FGF12: variants seen among roughly 807,000 people sequenced by gnomAD.
The protein encoded by FGF12 is fibroblast growth factor 12, also known as fibroblast growth factor 12B.
In FGF12, 14 loss-of-function variants were observed where a neutral mutation model predicts 23.6. The ratio of observed to expected loss-of-function variants is 0.59; its 90% CI spans 0.39 to 0.93. The LOEUF is 0.93. FGF12 is among the 40% of genes least tolerant of loss of function. The pLI is 0.00. For synonymous variants in FGF12, 62 were observed against 77.3 expected (o/e 0.80, Z 1.04); for missense variants, 175 against 217.8 (o/e 0.80, Z 1.24).
intron 2 of FGF12, among the ~76,000 whole-genome samples, chr3:192,558,819 T>C (rs561415401): frequency 6.6e-6 from 1 of 152,048 alleles, no homozygotes; most frequent in African/African-American, 2.4e-5. Flanking sequence ...TTAAATGATT[T>C]TTGACATAAG....
At chr3:192,424,508 A>T (rs1285772244) in intron 2 of FGF12, among the ~76,000 whole-genome samples, 1 of 152,162 alleles carries the variant, frequency 6.6e-6, no homozygotes, top group African/African-American at 2.4e-5. Context: ...TAGTCACATA[A>T]CTAATTTCTT....
chr3:192,277,989 CTGACCTCG>C lies in FGF12; in HGVS notation c.228+57364_228+57371del, dbSNP rs552760459. Reference sequence around the variant, plus strand: ...TGTTGGCCAGGCTAGTCCTGAACTCCTGACCTCGTGATCCACCTGCCTCAGCCTCCCAA... The same window carrying C: ...TGTTGGCCAGGCTAGTCCTGAACTCCTGATCCACCTGCCTCAGCCTCCCAA... On this transcript the variant is annotated intron_variant, in intron 4 of 5. Transcript: ENST00000445105. Among the ~76,000 whole-genome samples, 1,342 of 152,280 alleles carry C rather than the reference CTGACCTCG, an allele frequency of 8.8e-3. 14 individuals carry two copies. Among genetic ancestry groups the C allele is most frequent in the Non-Finnish European group, 0.012 (828 of 68,026 alleles).
At chr3:192,544,956 T>G (rs1302929616) in intron 2 of FGF12, among the ~76,000 whole-genome samples, 1 of 152,166 alleles carries the variant, frequency 6.6e-6, no homozygotes, top group Non-Finnish European at 1.5e-5. Flanking sequence ...CTTTGACTTT[T>G]CCTCTTCCTG....
intron 4 of FGF12, among the ~76,000 whole-genome samples, chr3:192,334,468 G>A (rs1310760231): frequency 6.6e-6 from 1 of 152,062 alleles, no homozygotes; most frequent in African/African-American, 2.4e-5. Context: ...TGATTTTCAA[G>A]GAATTTTTTT....
chr3:192,470,157 TAAG>T (rs1412012178), intron 2 of FGF12, among the ~76,000 whole-genome samples: 1 of 152,178 alleles, frequency 6.6e-6, no homozygotes, highest in Admixed American at 6.5e-5. Context: ...AGGCCAATAA[TAAG>T]ATCAGTCTTT....
intron 4 of FGF12, among the ~76,000 whole-genome samples, chr3:192,316,301 A>G (rs1041357952): frequency 6.6e-6 from 1 of 152,236 alleles, no homozygotes; most frequent in Non-Finnish European, 1.5e-5. Flanking sequence ...ATAACCAAAC[A>G]TCAGATGAAT....
intron 2 of FGF12, among the ~76,000 whole-genome samples, chr3:192,399,348 T>G (rs965379382): frequency 6.6e-6 from 1 of 152,140 alleles, no homozygotes; most frequent in Non-Finnish European, 1.5e-5. Context: ...AAGACTGCCA[T>G]CTATGACTTA....
chr3:192,324,089 CA>C (rs1228812989), intron 4 of FGF12, among the ~76,000 whole-genome samples: 19 of 150,574 alleles, frequency 1.3e-4, no homozygotes, highest in Non-Finnish European at 2.5e-4. Flanking sequence ...GAGACTGTCT[CA>C]AAAAAATTAA....
intron 2 of FGF12, among the ~76,000 whole-genome samples, chr3:192,624,479 G>T (rs1044181632): frequency 6.6e-6 from 1 of 152,036 alleles, no homozygotes; most frequent in East Asian, 1.9e-4. Context: ...GAAGGAGAAG[G>T]GGGAAAGTGA....
intron 2 of FGF12, among the ~76,000 whole-genome samples, chr3:192,612,604 GA>G (rs1287544438): frequency 4.0e-5 from 6 of 151,638 alleles, no homozygotes; most frequent in African/African-American, 1.2e-4. Context: ...CATAAAGTAA[GA>G]AAAAAATGTG....
At chr3:192,311,923 G>GTCTATCTA (rs1391056437) in intron 4 of FGF12, among the ~76,000 whole-genome samples, 124 of 126,870 alleles carry the variant, frequency 9.8e-4, no homozygotes, top group African/African-American at 3.7e-3. Flanking sequence ...GCTATTGACT[G>GTCTATCTA]TCTGTCTATC....
intron 4 of FGF12, among the ~76,000 whole-genome samples, chr3:192,232,040 T>C (rs1216578398): frequency 6.6e-6 from 1 of 152,228 alleles, no homozygotes; most frequent in Non-Finnish European, 1.5e-5. Flanking sequence ...AAATAAATTC[T>C]GACAAGTGCT....
At chr3:192,689,548 T>C (rs879488229) in intron 2 of FGF12, among the ~76,000 whole-genome samples, 39 of 151,798 alleles carry the variant, frequency 2.6e-4, no homozygotes, top group Non-Finnish European at 5.9e-5. Flanking sequence ...AATAGAGAGC[T>C]TGAAGAAGAA....
chr3:192,616,711 T>C (rs1714767839), intron 2 of FGF12, among the ~76,000 whole-genome samples: 2 of 151,994 alleles, frequency 1.3e-5, no homozygotes, highest in Non-Finnish European at 2.9e-5. Context: ...CTTGGTTGCA[T>C]GTGGAAATCT....
chr3:192,220,002 T>C (rs1718388763), intron 4 of FGF12, among the ~76,000 whole-genome samples: 1 of 152,160 alleles, frequency 6.6e-6, no homozygotes, highest in Non-Finnish European at 1.5e-5. Flanking sequence ...CCAGTGCTAA[T>C]TCAACCCTCT....
intron 2 of FGF12, among the ~76,000 whole-genome samples, chr3:192,595,884 AAAGT>A (rs1334473985): frequency 6.6e-6 from 1 of 152,024 alleles, no homozygotes; most frequent in Non-Finnish European, 1.5e-5. Flanking sequence ...TACTTGAGCT[AAAGT>A]TCAAGACCAG....
intron 2 of FGF12, among the ~76,000 whole-genome samples, chr3:192,628,690 T>C (rs1429978888): frequency 6.7e-6 from 1 of 149,736 alleles, no homozygotes; most frequent in Non-Finnish European, 1.5e-5. Flanking sequence ...TATATATACA[T>C]TTATGTATAT....
At chr3:192,299,467 A>G (rs2108657996) in intron 4 of FGF12, among the ~76,000 whole-genome samples, 1 of 152,238 alleles carries the variant, frequency 6.6e-6, no homozygotes, top group East Asian at 1.9e-4. Flanking sequence ...TTCCTCTCCT[A>G]ATGTATATTG....
At chr3:192,216,324 T>G (rs1209198933) in intron 4 of FGF12, among the ~76,000 whole-genome samples, 1 of 152,216 alleles carries the variant, frequency 6.6e-6, no homozygotes, top group East Asian at 1.9e-4. Context: ...CCCCTGGTAA[T>G]GGAGGTTATT....
Sources: allele counts gnomAD v4.1 joint callset (sites outside exome capture counted in the v4.1 genomes callset), GRCh38; gene constraint gnomAD v4.1.1; transcripts MANE v1.5; gene names NCBI Gene and HGNC (gene_info 2026-07-23, HGNC 2026-07-21).